SULT1E1: variants seen among roughly 807,000 people sequenced by gnomAD.
The protein encoded by SULT1E1 is sulfotransferase 1E1.
A neutral mutation model predicts 33.6 loss-of-function variants in SULT1E1; 36 were observed. That is an observed-to-expected ratio of 1.07 (90% CI 0.82 to 1.41). The LOEUF is 1.41. Ranked by LOEUF, SULT1E1 falls within the 40% of genes most tolerant of loss-of-function variation. The pLI is 0.00. For missense variants in SULT1E1, 371 were observed against 345.7 expected (o/e 1.07, Z -0.58); for synonymous variants, 121 against 111.7 (o/e 1.08, Z -0.53).
chr4:69,840,471 T>G (rs1168602041), downstream of SULT1E1, among the ~76,000 whole-genome samples: 1 of 152,212 alleles, frequency 6.6e-6, no homozygotes, highest in African/African-American at 2.4e-5. Context: ...AAATAGAAGA[T>G]GTTTTAAATA....
At chr4:69,832,844 A>G in the SULT1E1 span, among the ~76,000 whole-genome samples, 2 of 152,166 alleles carry the variant, frequency 1.3e-5, no homozygotes, top group African/African-American at 2.4e-5. Context: ...ATATAGTTAC[A>G]TAGCAGACGG....
At chr4:69,849,185 C>T in intron 5 of SULT1E1, 1 of 240,642 alleles carries the variant, frequency 4.2e-6, no homozygotes, top group South Asian at 7.9e-5. Flanking sequence ...AAAATTGCTA[C>T]CCCCAGCTCC....
intron 7 of SULT1E1, among the ~76,000 whole-genome samples, chr4:69,843,187 G>C (rs11573797): frequency 6.2e-4 from 95 of 152,056 alleles, no homozygotes; most frequent in African/African-American, 1.8e-3. Context: ...TGCTCAAGGA[G>C]CTCTAAACTT....
chr4:69,831,968 G>A, the SULT1E1 span, among the ~76,000 whole-genome samples: 1 of 152,156 alleles, frequency 6.6e-6, no homozygotes, highest in Non-Finnish European at 1.5e-5. Flanking sequence ...TTTTCTAACT[G>A]ACTTAGCAAT....
At chr4:69,856,181 G>A (rs891364234) in intron 2 of SULT1E1, among the ~76,000 whole-genome samples, 7 of 152,102 alleles carry the variant, frequency 4.6e-5, no homozygotes, top group Admixed American at 3.9e-4. Flanking sequence ...ATAGTGGTTC[G>A]GAAAATAATT....
intron 7 of SULT1E1, among the ~76,000 whole-genome samples, chr4:69,843,356 TATA>T (rs1233727493): frequency 1.1e-4 from 17 of 152,188 alleles, no homozygotes; most frequent in Admixed American, 1.1e-3. Flanking sequence ...AAAGGAAACA[TATA>T]ATCAAAAGAG....
downstream of SULT1E1, among the ~76,000 whole-genome samples, chr4:69,836,923 T>G (rs1720806301): frequency 6.6e-6 from 1 of 152,130 alleles, no homozygotes; most frequent in Non-Finnish European, 1.5e-5. Flanking sequence ...AAATAACAAG[T>G]AGGTCAGGGT....
At chr4:69,845,886 T>C (rs1182986397) in intron 6 of SULT1E1, among the ~76,000 whole-genome samples, 1 of 151,086 alleles carries the variant, frequency 6.6e-6, no homozygotes, top group Non-Finnish European at 1.5e-5. Context: ...CTTTTCTTAT[T>C]CAAATTTGAT....
At chr4:69,856,935 CAAAAAAAAAAAAA>C (rs11464421) in intron 2 of SULT1E1, among the ~76,000 whole-genome samples, 6 of 59,240 alleles carry the variant, frequency 1.0e-4, no homozygotes, top group East Asian at 7.2e-4. Context: ...GACTCCGTCT[CAAAAAAAAAAAAA>C]AAAAAAAAAA....
Position 69,860,101 on chromosome 4 carries a change from A to G in SULT1E1, c.-62T>C, listed in dbSNP as rs1721341398. 6.6e-6 allele frequency: 1 copy of G among 152,098 alleles called. No individual in the cohort carries two copies. The highest frequency in any genetic ancestry group is 1.5e-5 in the Non-Finnish European group (1 of 67,980). The allele number at this position is 152,098 out of a possible 1,614,324, so 9.4% of individuals were successfully genotyped here. A position where few individuals can be genotyped will look rare whatever the true frequency, so the allele number is the denominator to read the frequency against. On this transcript the variant is annotated 5_prime_UTR_variant, in exon 1 of 8. Coordinates refer to ENST00000226444, the MANE Select transcript of SULT1E1 (RefSeq NM_005420.3). Reference sequence around the variant, plus strand: ...TGATCTAGTTTATATCTCTTCAAATACCAAGGCAGATCTTAAGCTGCAAAA... The same window carrying G: ...TGATCTAGTTTATATCTCTTCAAATGCCAAGGCAGATCTTAAGCTGCAAAA...
At position 69,841,963 on chromosome 4, in the gene SULT1E1, T is replaced by A; in HGVS notation, c.*31A>T. Reference sequence around the variant, plus strand: ...GAGAATAATGAAAAGAAATCTTTAATATCAGATATGTTAAGTAAAGAAAGA... The same window carrying A: ...GAGAATAATGAAAAGAAATCTTTAAAATCAGATATGTTAAGTAAAGAAAGA... On this transcript the variant is annotated 3_prime_UTR_variant, in exon 8 of 8. Coordinates refer to ENST00000226444, the MANE Select transcript of SULT1E1 (RefSeq NM_005420.3). The A allele has an allele frequency of 8.6e-7, 1 of 1,162,438 alleles. No individual in the cohort carries two copies. Among genetic ancestry groups the A allele is most frequent in the Non-Finnish European group, 1.3e-6 (1 of 796,498 alleles). The allele number at this position is 1,162,438 out of a possible 1,614,324, so 72.0% of individuals were successfully genotyped here. A position where few individuals can be genotyped will look rare whatever the true frequency, so the allele number is the denominator to read the frequency against.
At chr4:69,854,492 A>T (rs1313087364) in intron 3 of SULT1E1, among the ~76,000 whole-genome samples, 178 bp from the exon 4 acceptor site, 3 of 152,108 alleles carry the variant, frequency 2.0e-5, no homozygotes, top group Non-Finnish European at 4.4e-5. Context: ...TGGTGTAATT[A>T]TTATGCATTG....
chr4:69,823,162 G>A, the SULT1E1 span, among the ~76,000 whole-genome samples: 1 of 152,168 alleles, frequency 6.6e-6, no homozygotes. Flanking sequence ...ACAAGGTTTT[G>A]TTTATATACC....
At chr4:69,825,415 A>G in the SULT1E1 span, among the ~76,000 whole-genome samples, 2 of 152,152 alleles carry the variant, frequency 1.3e-5, no homozygotes, top group African/African-American at 4.8e-5. Context: ...GCAACCGTGA[A>G]GGGACAATCA....
chr4:69,839,787 T>C (rs1246906270), downstream of SULT1E1, among the ~76,000 whole-genome samples: 1 of 152,138 alleles, frequency 6.6e-6, no homozygotes, highest in African/African-American at 2.4e-5. Context: ...TCTAAAGGTG[T>C]TGAAGTTTCT....
the SULT1E1 span, among the ~76,000 whole-genome samples, chr4:69,824,287 A>G: frequency 6.6e-6 from 1 of 152,174 alleles, no homozygotes; most frequent in Non-Finnish European, 1.5e-5. Flanking sequence ...CTGGATAAGT[A>G]TGCCACCAGG....
At chr4:69,843,742 C>T (rs760288233) in intron 7 of SULT1E1, among the ~76,000 whole-genome samples, 2 of 152,150 alleles carry the variant, frequency 1.3e-5, no homozygotes, top group Non-Finnish European at 2.9e-5. Flanking sequence ...GTGTTTGCCA[C>T]TTGTTAAAAA....
At chr4:69,839,043 C>T (rs931348270), downstream of SULT1E1, among the ~76,000 whole-genome samples, 1 of 152,118 alleles carries the variant, frequency 6.6e-6, no homozygotes, top group African/African-American at 2.4e-5. Flanking sequence ...TTCATTTATT[C>T]GTTGCTCAAG....
intron 3 of SULT1E1, among the ~76,000 whole-genome samples, chr4:69,855,007 A>G (rs924757186): frequency 5.3e-5 from 8 of 152,192 alleles, no homozygotes; most frequent in Admixed American, 1.3e-4. Context: ...ATTTTTCTCC[A>G]TATTTAAAAT....
Sources: gnomAD v4.1 joint callset for allele counts (sites outside exome capture counted in the v4.1 genomes callset) on GRCh38, gnomAD v4.1.1 for gene constraint, MANE v1.5 for transcripts, NCBI Gene and HGNC (gene_info 2026-07-23, HGNC 2026-07-21) for gene names.